The following JAK1 variants were observed in gnomAD, a reference collection of about 807,000 sequenced individuals.
The protein encoded by JAK1 is Janus kinase 1, also known as tyrosine-protein kinase JAK1.
In JAK1, 16 loss-of-function variants were observed where a neutral mutation model predicts 136.6. That is an observed-to-expected ratio of 0.12 (90% confidence interval 0.08 to 0.18). The LOEUF is 0.18. JAK1 is among the 10% of genes least tolerant of loss of function. JAK1 has a pLI of 1.00. For missense variants in JAK1, 859 were observed against 1,450.1 expected, an observed-to-expected ratio of 0.59 and a Z score of 6.62; for synonymous variants, 492 against 519.5, an observed-to-expected ratio of 0.95 and a Z score of 0.72.
intron 1 of JAK1, among the ~76,000 whole-genome samples, chr1:64,931,211 T>G (rs892954859): frequency 3.3e-5 from 5 of 152,258 alleles, no homozygotes; most frequent in African/African-American, 1.2e-4. Context: ...ATAGGGTTCC[T>G]TGATTTTCAA....
chr1:64,896,959 AG>A (rs1645022922), intron 1 of JAK1, among the ~76,000 whole-genome samples: 1 of 152,216 alleles, frequency 6.6e-6, no homozygotes, highest in Admixed American at 6.5e-5. Context: ...ATTATTTTAC[AG>A]GCTTATTTTA....
chr1:64,985,589 G>GTGGCCCAGATCTTT, intron 2 of JAK1: 1 of 1,024,340 alleles, frequency 9.8e-7, no homozygotes, highest in Non-Finnish European at 1.5e-6. Context: ...CAAAGATCTG[G>GTGGCCCAGATCTTT]GCCACCAGAA....
chr1:65,028,832 T>C (rs1328483205), intron 2 of JAK1, among the ~76,000 whole-genome samples: 1 of 152,172 alleles, frequency 6.6e-6, no homozygotes, highest in Non-Finnish European at 1.5e-5. Flanking sequence ...CCAAATAACA[T>C]GGCCAATGTC....
At chr1:64,964,602 G>A (rs918641283) in intron 1 of JAK1, among the ~76,000 whole-genome samples, 1 of 152,128 alleles carries the variant, frequency 6.6e-6, no homozygotes, top group Non-Finnish European at 1.5e-5. Context: ...ATGAAATGGA[G>A]GAAACCATTT....
intron 2 of JAK1, among the ~76,000 whole-genome samples, chr1:65,013,331 G>A (rs1646865377): frequency 6.9e-6 from 1 of 144,432 alleles, no homozygotes; most frequent in Admixed American, 7.0e-5. Context: ...AGGAGGCGGA[G>A]GTTGCGGTGA....
intron 1 of JAK1, among the ~76,000 whole-genome samples, chr1:64,945,222 G>C (rs141940884): frequency 1.4e-4 from 22 of 152,190 alleles, no homozygotes; most frequent in African/African-American, 5.3e-4. Context: ...CAAGGGGTGA[G>C]AGGTGTCTGC....
intron 2 of JAK1, among the ~76,000 whole-genome samples, chr1:65,004,306 A>G (rs985691251): frequency 1.3e-5 from 2 of 152,360 alleles, no homozygotes; most frequent in African/African-American, 2.4e-5. Flanking sequence ...GAGGAAAAAC[A>G]GAATAAGCAA....
intron 5 of JAK1, 147 bp downstream of exon 5, chr1:64,873,223 G>C (rs1328894427): frequency 1.2e-6 from 1 of 823,518 alleles, no homozygotes; most frequent in African/African-American, 1.7e-5. Flanking sequence ...CCTCACTTGG[G>C]GCAAGTCCAG....
At chr1:65,051,729 G>A (rs1399507758) in intron 1 of JAK1, among the ~76,000 whole-genome samples, 2 of 152,062 alleles carry the variant, frequency 1.3e-5, no homozygotes, top group Non-Finnish European at 2.9e-5. Context: ...AGACTAAATC[G>A]AAATGGTTCT....
intron 1 of JAK1, among the ~76,000 whole-genome samples, chr1:64,898,274 A>C (rs1227998657): frequency 2.6e-5 from 4 of 152,176 alleles, no homozygotes; most frequent in Non-Finnish European, 5.9e-5. Flanking sequence ...GCACAGTCGG[A>C]GGGACCAGCA....
At chr1:64,946,414 T>C (rs922515851) in intron 1 of JAK1, among the ~76,000 whole-genome samples, 5 of 152,220 alleles carry the variant, frequency 3.3e-5, no homozygotes, top group African/African-American at 9.6e-5. Flanking sequence ...CCCAAAGTCA[T>C]AGGTCTATGA....
intron 5 of JAK1, among the ~76,000 whole-genome samples, chr1:64,872,746 CAAT>C (rs1456032880): frequency 1.3e-5 from 2 of 151,678 alleles, no homozygotes; most frequent in African/African-American, 4.8e-5. Context: ...GAAGGACAAA[CAAT>C]AAAAAAAATC....
At position 64,982,347 on chromosome 1, in the gene JAK1, CAA is replaced by C. The variant is rs1173267265; in HGVS notation, c.-78+62131_-78+62132del. On this transcript the variant is annotated intron_variant, in intron 2 of 25. Transcript: ENST00000671954. The stretch of plus-strand genomic sequence containing the variant: ...TGGGAGGGGCATTAGCTGACTCACA[CAA>C]GAGCAGATTAACCATTACCCCAACA... Among the ~76,000 whole-genome samples the C allele has an allele frequency of 4.6e-5, 7 of 152,150 alleles. No individual in the cohort carries two copies. In the East Asian group the frequency reaches 1.3e-3, roughly 29 times the overall value.
intron 10 of JAK1, 56 bp from the exon 11 acceptor site, chr1:64,855,754 G>C (rs1655891752): frequency 6.8e-7 from 1 of 1,461,904 alleles, no homozygotes; most frequent in Non-Finnish European, 9.4e-7. Flanking sequence ...GCATGGGTAT[G>C]TAAGATATTA....
rs1439910385 is a variant in JAK1, at chr1:64,833,347, A to G, written c.*1215T>C. 8.6e-6 allele frequency: 2 copies of G among 232,782 alleles called. No individual in the cohort carries two copies. The highest frequency in any genetic ancestry group is 1.7e-5 in the Non-Finnish European group (2 of 117,540). 14.4% of individuals were successfully genotyped at this position (232,782 alleles called of 1,614,324 possible). On this transcript the variant is annotated 3_prime_UTR_variant, in exon 25 of 25. Coordinates refer to ENST00000342505, the MANE Select transcript of JAK1 (RefSeq NM_002227.4). Reference sequence around the variant, plus strand: ...ATGAACAAATTTAAATGGCAACTTCATTGCTGCCACTGAACCAATCCTGAA... The same window carrying G: ...ATGAACAAATTTAAATGGCAACTTCGTTGCTGCCACTGAACCAATCCTGAA...
chr1:64,982,930 C>T (rs1646562605), intron 2 of JAK1, among the ~76,000 whole-genome samples: 1 of 152,082 alleles, frequency 6.6e-6, no homozygotes, highest in Admixed American at 6.6e-5. Context: ...TTTGAGGAGC[C>T]AGAAGTAGAG....
intron 1 of JAK1, among the ~76,000 whole-genome samples, chr1:64,960,901 C>A (rs1273303552): frequency 1.3e-5 from 2 of 152,190 alleles, no homozygotes; most frequent in Non-Finnish European, 2.9e-5. Flanking sequence ...CCATACTGTG[C>A]TGTGATTAAC....
chr1:64,979,584 C>T (rs1055145632), intron 2 of JAK1: 1 of 152,140 alleles, frequency 6.6e-6, no homozygotes, highest in East Asian at 1.9e-4. Context: ...ATGTGCCAAG[C>T]ACTGTGTTAA....
chr1:64,987,657 C>T (rs1007610827), intron 2 of JAK1: 2 of 152,222 alleles, frequency 1.3e-5, no homozygotes, highest in Admixed American at 6.5e-5. Flanking sequence ...GATGATGCCT[C>T]TAAGTCTTCC....
Sources: gnomAD v4.1 joint callset for allele counts (sites outside exome capture counted in the v4.1 genomes callset) on GRCh38, gnomAD v4.1.1 for gene constraint, MANE v1.5 for transcripts, NCBI Gene and HGNC (gene_info 2026-07-23, HGNC 2026-07-21) for gene names.